FAT3: variants seen among roughly 807,000 people sequenced by gnomAD.
FAT3 encodes FAT atypical cadherin 3, also known as protocadherin Fat 3.
FAT3 carries 95 observed loss-of-function variants against 310.2 expected under a neutral mutation model. The ratio of observed to expected loss-of-function variants is 0.31; its 90% CI spans 0.26 to 0.36. FAT3 has a LOEUF of 0.36. Among genes scored for constraint, FAT3 ranks in the 10% least tolerant of loss-of-function variants. The probability of loss-of-function intolerance (pLI) is 1.00; values close to 1 mark genes in which losing one functional copy is unlikely to be tolerated. For missense variants in FAT3, 5,408 were observed against 5,715.6 expected, an observed-to-expected ratio of 0.95 and a Z score of 1.74; for synonymous variants, 2,314 against 2,192.9, an observed-to-expected ratio of 1.06 and a Z score of -1.54.
At chr11:92,647,058 G>A (rs1942193993) in intron 3 of FAT3, among the ~76,000 whole-genome samples, 1 of 151,950 alleles carries the variant, frequency 6.6e-6, no homozygotes, top group Non-Finnish European at 1.5e-5. Flanking sequence ...TGGCTTTTAG[G>A]ATGCTCAGAC....
At chr11:92,355,923 T>C (rs1231363909) in intron 2 of FAT3, among the ~76,000 whole-genome samples, 1 of 152,222 alleles carries the variant, frequency 6.6e-6, no homozygotes, top group African/African-American at 2.4e-5. Context: ...ATTTGCACTC[T>C]GTAGCTCCAT....
Position 92,303,247 on chromosome 11 carries a change from A to C in FAT3, c.-17-48849A>C, listed in dbSNP as rs545040307. 3.3e-5 allele frequency among the ~76,000 whole-genome samples: 5 copies of C among 152,210 alleles called. 1 individual carries two copies. The South Asian group carries it at 1.0e-3, about 32-fold the overall frequency. On this transcript the variant is annotated intron_variant, in intron 1 of 27. Coordinates refer to ENST00000525166, the MANE Select transcript of FAT3 (RefSeq NM_001367949.2). ...CCATTTTCCCAAGGAATTTATTTTT[A>C]AATTTGGAGGTACCATTTAGGATCG...
intron 2 of FAT3, among the ~76,000 whole-genome samples, chr11:92,475,789 A>T (rs1952035484): frequency 6.6e-6 from 1 of 152,216 alleles, no homozygotes; most frequent in South Asian, 2.1e-4. Flanking sequence ...TTGGAGTGTG[A>T]TATTTTAAAT....
chr11:92,669,160 G>A (rs1282805116), intron 3 of FAT3, among the ~76,000 whole-genome samples: 1 of 152,150 alleles, frequency 6.6e-6, no homozygotes, highest in Non-Finnish European at 1.5e-5. Context: ...CATGCTCTAG[G>A]ATAAAGCATC....
rs777332161 is a variant in FAT3 at position 92,761,843 on chromosome 11, C to T, written c.3670-13C>T. The T allele has an allele frequency of 5.6e-6, 9 of 1,609,720 alleles. No individual in the cohort carries two copies. Among genetic ancestry groups the T allele is most frequent in the South Asian group, 2.2e-5 (2 of 90,736 alleles). On this transcript the variant is annotated splice_polypyrimidine_tract_variant and intron_variant, in intron 4 of 27. Transcript: ENST00000525166. ...TTTTCTCCTTTCTGATCACATCATA[C>T]TCTCTTTTTCAGGTGACTGTGACAG...
intron 3 of FAT3, among the ~76,000 whole-genome samples, chr11:92,672,840 A>G (rs1943174288): frequency 6.6e-6 from 1 of 152,162 alleles, no homozygotes; most frequent in African/African-American, 2.4e-5. Flanking sequence ...GAACTCAGTT[A>G]ATATTATAGG....
chr11:92,413,647 A>C (rs531555677), intron 2 of FAT3, among the ~76,000 whole-genome samples: 2 of 152,314 alleles, frequency 1.3e-5, no homozygotes, highest in Admixed American at 6.5e-5. Context: ...TACTCAACTG[A>C]ATGTCTAGAA....
intron 3 of FAT3, among the ~76,000 whole-genome samples, chr11:92,557,812 A>G (rs567963439): frequency 6.6e-6 from 1 of 152,338 alleles, no homozygotes; most frequent in African/African-American, 2.4e-5. Context: ...GGCCTATGAT[A>G]TACTAGGAAC....
At position 92,790,148 on chromosome 11, in the gene FAT3, G is replaced by C. The variant is rs2136155926; in HGVS notation, c.4541G>C (p.Ser1514Thr). ...ISMRKFRIDP[S>T]TGVLYTAERL... ...ATGAGAAAATTCCGGATTGACCCTA[G>C]CACTGGCGTGCTCTATACTGCCGAG... The change falls in exon 8 of 28, where the codon AGC (serine) becomes ACC (threonine). Residue 1514 changes from serine (S) to threonine (T), a missense_variant. By Grantham distance (58) the Ser-to-Thr change is moderately conservative (BLOSUM62 1). Transcript: ENST00000525166. The C allele has an allele frequency of 1.2e-6, 2 of 1,613,794 alleles. No individual in the cohort carries two copies. The highest frequency in any genetic ancestry group is 4.5e-5 in the East Asian group (2 of 44,882).
chr11:92,555,971 G>A (rs972516092), intron 3 of FAT3, among the ~76,000 whole-genome samples: 3 of 152,118 alleles, frequency 2.0e-5, no homozygotes, highest in African/African-American at 4.8e-5. Flanking sequence ...CGGTCTGCTC[G>A]GTTTAAAAAT....
chr11:92,292,730 T>C (rs1046026881), intron 1 of FAT3, among the ~76,000 whole-genome samples: 1 of 152,112 alleles, frequency 6.6e-6, no homozygotes, highest in African/African-American at 2.4e-5. Flanking sequence ...ATCATCTGTG[T>C]GTCTGGCAGT....
At chr11:92,316,898 A>G (rs763634237) in intron 1 of FAT3, among the ~76,000 whole-genome samples, 3 of 152,180 alleles carry the variant, frequency 2.0e-5, no homozygotes, top group Non-Finnish European at 4.4e-5. Context: ...CCTTTTTGGG[A>G]AAACGGAGAC....
intron 3 of FAT3, among the ~76,000 whole-genome samples, chr11:92,649,869 A>C: frequency 1.1e-5 from 1 of 92,336 alleles, no homozygotes; most frequent in Non-Finnish European, 2.2e-5. Flanking sequence ...CCCACTTTGT[A>C]TGTTCATATA....
chr11:92,730,253 G>A (rs950429332), intron 4 of FAT3, among the ~76,000 whole-genome samples: 18 of 152,082 alleles, frequency 1.2e-4, no homozygotes, highest in Admixed American at 4.6e-4. Context: ...AGGGAGGATC[G>A]CTTGAGCCCA....
At chr11:92,244,265 T>C (rs964705663) in intron 1 of FAT3, among the ~76,000 whole-genome samples, 1 of 152,140 alleles carries the variant, frequency 6.6e-6, no homozygotes, top group Non-Finnish European at 1.5e-5. Flanking sequence ...GCAGAAACCC[T>C]TTCAGTCCTC....
intron 3 of FAT3, among the ~76,000 whole-genome samples, chr11:92,669,000 G>T (rs1011431573): frequency 6.6e-6 from 1 of 152,182 alleles, no homozygotes; most frequent in Non-Finnish European, 1.5e-5. Context: ...GATACCTGTG[G>T]GTAGACATAG....
At chr11:92,711,216 G>T (rs1017930063) in intron 4 of FAT3, among the ~76,000 whole-genome samples, 1 of 152,010 alleles carries the variant, frequency 6.6e-6, no homozygotes, top group African/African-American at 2.4e-5. Flanking sequence ...AATTTGTGAA[G>T]AAATCTAATA....
chr11:92,658,205 T>G (rs1942647856), intron 3 of FAT3, among the ~76,000 whole-genome samples: 1 of 152,202 alleles, frequency 6.6e-6, no homozygotes, highest in Non-Finnish European at 1.5e-5. Flanking sequence ...TGTATTTAGA[T>G]TTCATGAAAT....
intron 18 of FAT3, among the ~76,000 whole-genome samples, chr11:92,841,038 A>C (rs1330793606): frequency 6.6e-6 from 1 of 150,938 alleles, no homozygotes; most frequent in Non-Finnish European, 1.5e-5. Context: ...CATTCTAAAA[A>C]CTCCTGCTGC....
Sources: gnomAD v4.1 joint callset for allele counts (sites outside exome capture counted in the v4.1 genomes callset) on GRCh38, gnomAD v4.1.1 for gene constraint, MANE v1.5 for transcripts, NCBI Gene and HGNC (gene_info 2026-07-23, HGNC 2026-07-21) for gene names.